The following NOX4 variants were observed in gnomAD, a reference collection of about 807,000 sequenced individuals.
The protein encoded by NOX4 is NADPH oxidase 4.
In NOX4, 69 loss-of-function variants were observed where a neutral mutation model predicts 87.6. The ratio of observed to expected loss-of-function variants is 0.79; its 90% CI spans 0.65 to 0.96. NOX4 has a LOEUF of 0.96. Ranked by LOEUF, NOX4 falls within the 40% of genes least tolerant of loss-of-function variation. The pLI is 0.00. For missense variants in NOX4, 680 were observed against 681.5 expected, an observed-to-expected ratio of 1.00 and a Z score of 0.02; for synonymous variants, 275 against 238.2, an observed-to-expected ratio of 1.15 and a Z score of -1.42.
chr11:89,355,313 T>A (rs995739779), intron 12 of NOX4, among the ~76,000 whole-genome samples: 34 of 147,640 alleles, frequency 2.3e-4, no homozygotes, highest in African/African-American at 8.3e-4. Flanking sequence ...AATATATAAA[T>A]AATATATATT....
intron 12 of NOX4, among the ~76,000 whole-genome samples, chr11:89,358,845 T>A (rs1332606964): frequency 1.3e-5 from 2 of 152,014 alleles, no homozygotes; most frequent in Non-Finnish European, 2.9e-5. Flanking sequence ...AGGCTCAAAC[T>A]GTTTCTTAAG....
At chr11:89,426,775 C>G (rs1271874427) in intron 7 of NOX4, among the ~76,000 whole-genome samples, 1 of 152,172 alleles carries the variant, frequency 6.6e-6, no homozygotes, top group African/African-American at 2.4e-5. Context: ...CTGCCTGCCT[C>G]TGTAGACTCC....
At chr11:89,375,250 T>C (rs1235445525) in intron 11 of NOX4, among the ~76,000 whole-genome samples, 1 of 152,130 alleles carries the variant, frequency 6.6e-6, no homozygotes, top group Non-Finnish European at 1.5e-5. Context: ...ATTATTAAAA[T>C]TATTTTATTT....
intron 13 of NOX4, among the ~76,000 whole-genome samples, chr11:89,348,517 C>T (rs751974809): frequency 5.9e-5 from 9 of 151,918 alleles, no homozygotes; most frequent in Non-Finnish European, 7.4e-5. Flanking sequence ...CACTGGAGGC[C>T]AAGGCAGGAG....
At chr11:89,464,449 G>A (rs1221214494) in intron 2 of NOX4, among the ~76,000 whole-genome samples, 1 of 152,106 alleles carries the variant, frequency 6.6e-6, no homozygotes, top group South Asian at 2.1e-4. Flanking sequence ...ATTTTTAAGT[G>A]GCAAGATTAT....
At chr11:89,418,861 A>T (rs1451675143) in intron 8 of NOX4, among the ~76,000 whole-genome samples, 3 of 152,022 alleles carry the variant, frequency 2.0e-5, no homozygotes, top group Admixed American at 1.3e-4. Context: ...TTCTATGAAA[A>T]AAATGACCTT....
chr11:89,438,268 TATA>T (rs1029081011), intron 6 of NOX4, among the ~76,000 whole-genome samples: 2 of 135,926 alleles, frequency 1.5e-5, no homozygotes, highest in Non-Finnish European at 1.5e-5. Context: ...ATATATAATA[TATA>T]ATAATATATA....
intron 7 of NOX4, among the ~76,000 whole-genome samples, chr11:89,427,014 T>G (rs1231219710): frequency 6.6e-6 from 1 of 152,164 alleles, no homozygotes; most frequent in Non-Finnish European, 1.5e-5. Flanking sequence ...AGTACCCCTC[T>G]GAGACAAAGC....
Position 89,417,535 on chromosome 11 carries a change from T to C in NOX4, c.629+4367A>G, listed in dbSNP as rs1942851024. 2.6e-5 allele frequency among the ~76,000 whole-genome samples: 4 copies of C among 152,116 alleles called. 1 individual carries two copies. The highest frequency in any genetic ancestry group is 2.6e-4 in the Admixed American group (4 of 15,238). ...CCTTTATTGCTAAAAATCAATAGAA[T>C]GTTAGAGATCTTAGAATATTATAAT... On this transcript the variant is annotated intron_variant, in intron 8 of 17. Transcript: ENST00000263317.
At chr11:89,493,786 G>A (rs1321197217), upstream of NOX4, among the ~76,000 whole-genome samples, 3 of 150,726 alleles carry the variant, frequency 2.0e-5, no homozygotes, top group East Asian at 1.9e-4. Context: ...TTTTGCTCTT[G>A]TTGCCCAGGC....
In NOX4 at chr11:89,337,462, T is replaced by C. The variant is rs1945765192; in HGVS notation, c.1500A>G (p.Gln500=). 2 of 1,612,326 alleles carry C rather than the reference T, an allele frequency of 1.2e-6. No homozygotes were observed. The highest frequency in any genetic ancestry group is 1.1e-5 in the South Asian group (1 of 91,016). ...DYVNIQLYLS[Q]TDGIQKIIGE... ...AACCACATACCTGTATCCCATCTGT[T>C]TGACTGAGGTACAGCTGGATGTTGA... is the stretch of plus-strand genomic sequence containing the variant. The change falls in exon 16 of 18, where the codon CAA becomes CAG. Residue 500 remains glutamine (Q), a synonymous_variant. Transcript: ENST00000263317.
chr11:89,488,916 T>C (rs1946735616), intron 2 of NOX4: 4 of 677,506 alleles, frequency 5.9e-6, no homozygotes, highest in African/African-American at 1.8e-5. Context: ...TTCCATTATA[T>C]TGTAAGCAAC....
At chr11:89,418,630 T>C (rs977794441) in intron 8 of NOX4, among the ~76,000 whole-genome samples, 1 of 151,822 alleles carries the variant, frequency 6.6e-6, no homozygotes, top group Non-Finnish European at 1.5e-5. Flanking sequence ...GTGGGCGACT[T>C]AACTTCCATG....
chr11:89,473,904 C>T (rs980187081), intron 2 of NOX4, among the ~76,000 whole-genome samples: 1 of 152,104 alleles, frequency 6.6e-6, no homozygotes, highest in African/African-American at 2.4e-5. Flanking sequence ...GCCAAAATGC[C>T]TAACACAGTA....
intron 9 of NOX4, among the ~76,000 whole-genome samples, chr11:89,401,959 C>T (rs982579017): frequency 2.0e-5 from 3 of 151,688 alleles, no homozygotes; most frequent in African/African-American, 7.3e-5. Context: ...TAATATAATA[C>T]AATAAAATAA....
chr11:89,367,768 G>C (rs1939115961), intron 12 of NOX4, among the ~76,000 whole-genome samples: 2 of 151,928 alleles, frequency 1.3e-5, no homozygotes, highest in South Asian at 4.1e-4. Flanking sequence ...AGCATCTTTT[G>C]GGAAACGACC....
At chr11:89,454,446 C>A (rs1458418050) in intron 2 of NOX4, among the ~76,000 whole-genome samples, 1 of 152,022 alleles carries the variant, frequency 6.6e-6, no homozygotes, top group Non-Finnish European at 1.5e-5. Flanking sequence ...TGGGTAGTGT[C>A]TGAACATTGG....
intron 11 of NOX4, among the ~76,000 whole-genome samples, chr11:89,398,668 A>T (rs1319754549): frequency 6.6e-6 from 1 of 150,666 alleles, no homozygotes; most frequent in African/African-American, 2.4e-5. Context: ...ACATGTTCCC[A>T]TCTGTCTGCA....
intron 11 of NOX4, among the ~76,000 whole-genome samples, chr11:89,382,652 T>C (rs1237879167): frequency 6.6e-6 from 1 of 151,842 alleles, no homozygotes. Context: ...CCTCCTCAGG[T>C]CACTCCCTGC....
Sources: gnomAD v4.1 joint callset for allele counts (sites outside exome capture counted in the v4.1 genomes callset) on GRCh38, gnomAD v4.1.1 for gene constraint, MANE v1.5 for transcripts, NCBI Gene and HGNC (gene_info 2026-07-23, HGNC 2026-07-21) for gene names.